Variants in PRSS23 observed in about 807,000 individuals in gnomAD.
PRSS23 encodes serine protease 23.
Under a neutral mutation model 34.7 loss-of-function variants are expected in PRSS23, and 25 were observed. That is an observed-to-expected ratio of 0.72 (90% CI 0.53 to 1.01). PRSS23 has a LOEUF of 1.01. Ranked by LOEUF, PRSS23 falls within the 50% of genes least tolerant of loss-of-function variation. The pLI is 0.00. For missense variants in PRSS23, 445 were observed against 475.6 expected, an observed-to-expected ratio of 0.94 and a Z score of 0.60; for synonymous variants, 176 against 186.6, an observed-to-expected ratio of 0.94 and a Z score of 0.46.
At chr11:86,905,048 C>T (rs1287035634) in intron 2 of PRSS23, among the ~76,000 whole-genome samples, 3 of 151,888 alleles carry the variant, frequency 2.0e-5, no homozygotes, top group Non-Finnish European at 2.9e-5. Context: ...AGAGTTAGAC[C>T]CTGTCTCAAA....
intron 2 of PRSS23, among the ~76,000 whole-genome samples, chr11:86,887,652 G>A (rs996929191): frequency 2.0e-5 from 3 of 152,142 alleles, no homozygotes; most frequent in Admixed American, 1.3e-4. Context: ...AATAATTACC[G>A]TGCACCTACG....
intron 2 of PRSS23, among the ~76,000 whole-genome samples, chr11:86,840,275 A>C (rs1471078051): frequency 6.6e-6 from 1 of 152,190 alleles, no homozygotes; most frequent in Non-Finnish European, 1.5e-5. Context: ...GCAAATGGAA[A>C]GCAAAACAAA....
At chr11:86,930,576 G>A (rs1208320896) in intron 2 of PRSS23, among the ~76,000 whole-genome samples, 2 of 152,168 alleles carry the variant, frequency 1.3e-5, no homozygotes, top group Non-Finnish European at 2.9e-5. Context: ...CGGATCACAA[G>A]GTCAGGAGAT....
intron 2 of PRSS23, among the ~76,000 whole-genome samples, chr11:86,835,908 T>G (rs1206525554): frequency 6.6e-6 from 1 of 152,146 alleles, no homozygotes; most frequent in East Asian, 1.9e-4. Flanking sequence ...GGTATGAGAA[T>G]TGGCTCAAGT....
At chr11:86,835,163 A>T (rs778047767) in intron 2 of PRSS23, among the ~76,000 whole-genome samples, 12 of 152,244 alleles carry the variant, frequency 7.9e-5, no homozygotes, top group Non-Finnish European at 1.6e-4. Flanking sequence ...TTAAGTAAAC[A>T]GTTGTCTGAC....
chr11:86,846,171 A>G (rs1270936042), intron 2 of PRSS23, among the ~76,000 whole-genome samples: 2 of 152,022 alleles, frequency 1.3e-5, no homozygotes, highest in Admixed American at 6.6e-5. Flanking sequence ...TGCCTCTATC[A>G]CTCACCATAG....
At chr11:86,820,972 G>GA (rs1948247500) in intron 1 of PRSS23, among the ~76,000 whole-genome samples, 1 of 152,118 alleles carries the variant, frequency 6.6e-6, no homozygotes. Flanking sequence ...TACAGCTTAT[G>GA]AATAACTTAA....
chr11:86,886,758 G>A (rs750325765), intron 2 of PRSS23, among the ~76,000 whole-genome samples: 4 of 152,096 alleles, frequency 2.6e-5, no homozygotes, highest in African/African-American at 4.8e-5. Flanking sequence ...GGCCAACATG[G>A]CAAAACCCCA....
chr11:86,842,437 A>G (rs992087305), intron 2 of PRSS23, among the ~76,000 whole-genome samples: 2 of 152,232 alleles, frequency 1.3e-5, no homozygotes, highest in African/African-American at 4.8e-5. Context: ...GGCTAGTGCA[A>G]TCAGGCAAGA....
chr11:86,826,917 G>T (rs1293393085), intron 2 of PRSS23, among the ~76,000 whole-genome samples: 1 of 152,084 alleles, frequency 6.6e-6, no homozygotes, highest in Non-Finnish European at 1.5e-5. Flanking sequence ...GAGGATTTTT[G>T]CATCGATGTT....
chr11:86,895,288 C>T (rs896223580), intron 2 of PRSS23, among the ~76,000 whole-genome samples: 2 of 152,134 alleles, frequency 1.3e-5, no homozygotes, highest in Non-Finnish European at 2.9e-5. Context: ...CTGTGAGTCA[C>T]TTAACTTCTC....
intron 2 of PRSS23, among the ~76,000 whole-genome samples, chr11:86,891,569 TG>T (rs1176493631): frequency 5.3e-5 from 8 of 152,194 alleles, no homozygotes; most frequent in African/African-American, 1.7e-4. Flanking sequence ...GGAAATCTTT[TG>T]GGTGTTAGAT....
chr11:86,952,667 G>A (rs1949304946), exon 3 of PRSS23: 4 of 567,504 alleles, frequency 7.0e-6, no homozygotes, highest in Non-Finnish European at 9.3e-6. Context: ...ACTTTTCTTA[G>A]TTTGGCTTTA....
At chr11:86,900,073 A>G (rs1463020267) in intron 2 of PRSS23, among the ~76,000 whole-genome samples, 5 of 152,254 alleles carry the variant, frequency 3.3e-5, no homozygotes, top group Admixed American at 3.3e-4. Context: ...CTTTGAAAAT[A>G]GAGATGTTTC....
chr11:86,852,700 A>T (rs1199023784), intron 2 of PRSS23, among the ~76,000 whole-genome samples: 1 of 152,146 alleles, frequency 6.6e-6, no homozygotes, highest in Non-Finnish European at 1.5e-5. Context: ...TCTCCAGAAC[A>T]GTTTTATCTT....
rs1338070778 is a variant in PRSS23 at position 86,857,960 on chromosome 11, AG to A, written c.206+34372del. On this transcript the variant is annotated intron_variant, in intron 2 of 2. Transcript: ENST00000533902. ...AGGACGGGCTGTCTCCCAGTATCGCAGGGGGTTGTACACGCCTTCTGGGATA... is the reference window on the plus strand; with the variant it reads ...AGGACGGGCTGTCTCCCAGTATCGCAGGGGTTGTACACGCCTTCTGGGATA... 5 of 401,324 alleles carry A rather than the reference AG, an allele frequency of 1.2e-5. No individual in the cohort carries two copies. The East Asian group carries it at 3.1e-4, about 25-fold the overall frequency. The allele number at this position is 401,324 out of a possible 1,614,324, so 24.9% of individuals were successfully genotyped here.
At chr11:86,952,375 G>T in exon 3 of PRSS23, 1 of 1,614,216 alleles carries the variant, frequency 6.2e-7, no homozygotes, top group Non-Finnish European at 8.5e-7. Flanking sequence ...CGGGTTCACA[G>T]CGTCTCTTGA....
At chr11:86,833,277 G>T in intron 2 of PRSS23, 4 of 1,568,622 alleles carry the variant, frequency 2.6e-6, no homozygotes, top group East Asian at 4.6e-5. Flanking sequence ...TGGAGAGGAA[G>T]AAGTACATGG....
rs1185559332 is a variant in PRSS23, at chr11:86,875,503, C to G, written c.206+51910C>G. On this transcript the variant is annotated intron_variant, in intron 2 of 2. Transcript: ENST00000533902. The stretch of plus-strand genomic sequence containing the variant: ...GACCGTGCTCTGGTAGGAACGCTGA[C>G]TCTTTCAGAAAGCAAGAACTCAAAT... 7.9e-5 allele frequency among the ~76,000 whole-genome samples: 12 copies of G among 152,358 alleles called. No individual in the cohort carries two copies. In the East Asian group the frequency reaches 1.5e-3, roughly 20 times the overall value.
Sources: gnomAD v4.1 joint callset for allele counts (sites outside exome capture counted in the v4.1 genomes callset) on GRCh38, gnomAD v4.1.1 for gene constraint, MANE v1.5 for transcripts, NCBI Gene and HGNC (gene_info 2026-07-23, HGNC 2026-07-21) for gene names.